Variants in DIP2C observed in about 807,000 individuals in gnomAD.
DIP2C encodes DIP2 acetate--CoA ligase C (putative).
Under a neutral mutation model 192.4 loss-of-function variants are expected in DIP2C, and 33 were observed. That is an observed-to-expected ratio of 0.17 (90% CI 0.13 to 0.23). The LOEUF is 0.23. Ranked by LOEUF, DIP2C falls within the 10% of genes least tolerant of loss-of-function variation. DIP2C has a pLI of 1.00. For synonymous variants in DIP2C, 979 were observed against 864.1 expected (o/e 1.13, Z -2.33); for missense variants, 1,537 against 2,110.1 (o/e 0.73, Z 5.32).
At chr10:577,823 GTT>G (rs35201000) in intron 1 of DIP2C, among the ~76,000 whole-genome samples, 12 of 143,900 alleles carry the variant, frequency 8.3e-5, no homozygotes, top group East Asian at 4.0e-4. Flanking sequence ...GTTTTTTTGT[GTT>G]TTTTTTTTTT....
chr10:305,993 A>ATATATATATATATATATATATATG (rs958069491), intron 32 of DIP2C, among the ~76,000 whole-genome samples: 5 of 142,698 alleles, frequency 3.5e-5, no homozygotes, highest in African/African-American at 1.3e-4. Context: ...ATATATATAT[A>ATATATATATATATATATATATATG]TTATATTTTT....
At chr10:630,596 C>T (rs1213849956) in intron 1 of DIP2C, 5 of 152,270 alleles carry the variant, frequency 3.3e-5, no homozygotes, top group Admixed American at 2.0e-4. Flanking sequence ...CAGCGGCCAA[C>T]GTCCGTCACG....
intron 29 of DIP2C, among the ~76,000 whole-genome samples, chr10:336,225 C>T (rs1261525932): frequency 6.6e-6 from 1 of 152,182 alleles, no homozygotes; most frequent in African/African-American, 2.4e-5. Flanking sequence ...TAAAAATCAG[C>T]ATCCCTGAGG....
chr10:598,991 C>T (rs2131684053), intron 1 of DIP2C, among the ~76,000 whole-genome samples: 1 of 152,350 alleles, frequency 6.6e-6, no homozygotes, highest in East Asian at 1.9e-4. Flanking sequence ...CAGGCACGGC[C>T]CCCGGGCCCA....
At chr10:685,569 G>A (rs1416288039) in intron 1 of DIP2C, among the ~76,000 whole-genome samples, 1 of 152,070 alleles carries the variant, frequency 6.6e-6, no homozygotes, top group Non-Finnish European at 1.5e-5. Context: ...TCTGAAGCAT[G>A]CACTGCCCAA....
intron 22 of DIP2C, among the ~76,000 whole-genome samples, chr10:358,275 T>C (rs1959171912): frequency 6.6e-6 from 1 of 151,398 alleles, no homozygotes; most frequent in Non-Finnish European, 1.5e-5. Context: ...ACACACAGAA[T>C]TAAAAGCCAC....
chr10:608,028 TCTC>T (rs1335155887), intron 1 of DIP2C, among the ~76,000 whole-genome samples: 3 of 151,370 alleles, frequency 2.0e-5, no homozygotes, highest in Non-Finnish European at 4.4e-5. Context: ...TCATATGACT[TCTC>T]CACTAGAATA....
intron 28 of DIP2C, among the ~76,000 whole-genome samples, chr10:344,142 G>C (rs1958295826): frequency 6.6e-6 from 1 of 152,234 alleles, no homozygotes; most frequent in African/African-American, 2.4e-5. Context: ...TTCTGGCTAT[G>C]ACAGTGGGAG....
intron 1 of DIP2C, among the ~76,000 whole-genome samples, chr10:641,386 T>C (rs1855189232): frequency 6.6e-6 from 1 of 152,114 alleles, no homozygotes; most frequent in Non-Finnish European, 1.5e-5. Context: ...GGCCCGCACA[T>C]CTCTGCTCCC....
At chr10:558,976 C>A (rs1294010856) in intron 1 of DIP2C, among the ~76,000 whole-genome samples, 1 of 152,012 alleles carries the variant, frequency 6.6e-6, no homozygotes, top group Admixed American at 6.5e-5. Flanking sequence ...CCACCCCACC[C>A]CCTCCACAGG....
At chr10:359,340 G>A (rs371565842) in intron 22 of DIP2C, among the ~76,000 whole-genome samples, 6 of 152,286 alleles carry the variant, frequency 3.9e-5, no homozygotes, top group South Asian at 2.1e-4. Context: ...TCACAGCTGC[G>A]CAGGAGAAGG....
chr10:306,444 A>T (rs78942970), intron 32 of DIP2C, among the ~76,000 whole-genome samples: 1 of 152,308 alleles, frequency 6.6e-6, no homozygotes, highest in Non-Finnish European at 1.5e-5. Context: ...AGGAAATTGC[A>T]TGTGCATACC....
intron 1 of DIP2C, among the ~76,000 whole-genome samples, chr10:532,890 G>C (rs936475026): frequency 2.0e-5 from 3 of 152,110 alleles, no homozygotes; most frequent in Admixed American, 6.6e-5. Flanking sequence ...TCCCAGGCTT[G>C]GGTGATCCTC....
intron 1 of DIP2C, among the ~76,000 whole-genome samples, chr10:653,870 A>G (rs1856110740): frequency 6.6e-6 from 1 of 152,250 alleles, no homozygotes; most frequent in African/African-American, 2.4e-5. Flanking sequence ...GACTTGAGAA[A>G]GACACTCAGA....
At position 324,754 on chromosome 10, in the gene DIP2C, C is replaced by G. The variant is rs953736094; in HGVS notation, c.3924+2252G>C. On this transcript the variant is annotated intron_variant, in intron 31 of 36. Coordinates refer to ENST00000280886, the MANE Select transcript of DIP2C (RefSeq NM_014974.3). ...CCGTGCTCAACACTCCCACGGCGCA[C>G]ATTCATTCAATATCCACCACGTGTC... 14 of 362,182 alleles carry G rather than the reference C, an allele frequency of 3.9e-5. 1 individual carries two copies. Among genetic ancestry groups the G allele is most frequent in the South Asian group, 3.1e-4 (14 of 44,828 alleles). 22.4% of individuals were successfully genotyped at this position (362,182 alleles called of 1,614,324 possible).
intron 31 of DIP2C, chr10:324,953 C>A (rs1564556969): frequency 1.9e-6 from 1 of 533,052 alleles, no homozygotes; most frequent in Non-Finnish European, 3.8e-6. Flanking sequence ...GAGCGTACTC[C>A]TTCCTTGTAA....
chr10:477,712 G>A (rs965081076), intron 2 of DIP2C, among the ~76,000 whole-genome samples: 9 of 141,780 alleles, frequency 6.3e-5, no homozygotes, highest in African/African-American at 2.1e-4. Flanking sequence ...AAGAATAAAG[G>A]AGAGAGAAGA....
intron 2 of DIP2C, among the ~76,000 whole-genome samples, chr10:485,348 G>C (rs1016997229): frequency 3.9e-5 from 6 of 152,194 alleles, no homozygotes; most frequent in African/African-American, 1.4e-4. Context: ...CAGGCCATCA[G>C]GGGATCTACC....
At chr10:576,961 G>A (rs1021603658) in intron 1 of DIP2C, among the ~76,000 whole-genome samples, 2 of 152,066 alleles carry the variant, frequency 1.3e-5, no homozygotes, top group African/African-American at 2.4e-5. Context: ...TAATTGCCAA[G>A]GTCCACATTC....
Sources: allele counts gnomAD v4.1 joint callset (sites outside exome capture counted in the v4.1 genomes callset), GRCh38; gene constraint gnomAD v4.1.1; transcripts MANE v1.5; gene names NCBI Gene and HGNC (gene_info 2026-07-23, HGNC 2026-07-21).